The following NKAIN2 variants were observed in gnomAD, a reference collection of about 807,000 sequenced individuals.
NKAIN2 encodes the protein sodium/potassium-transporting ATPase subunit beta-1-interacting protein 2.
In NKAIN2, 14 loss-of-function variants were observed where a neutral mutation model predicts 32.6. The observed-to-expected ratio is 0.43, with a 90% CI of 0.28 to 0.67. NKAIN2 has a LOEUF of 0.67. Among genes scored for constraint, NKAIN2 ranks in the 30% least tolerant of loss-of-function variants. The pLI, the probability that NKAIN2 is intolerant of heterozygous loss-of-function variation, is 0.17. For synonymous variants in NKAIN2, 80 were observed against 87.2 expected (o/e 0.92, Z 0.46); for missense variants, 198 against 258.3 (o/e 0.77, Z 1.60).
chr6:124,231,254 A>C, intron 1 of NKAIN2, among the ~76,000 whole-genome samples: 1 of 152,180 alleles, frequency 6.6e-6, no homozygotes, highest in South Asian at 2.1e-4. Context: ...CAATGCCTGC[A>C]TCCCCATTGT....
chr6:124,405,035 A>G (rs1448801247), intron 3 of NKAIN2, among the ~76,000 whole-genome samples: 1 of 152,180 alleles, frequency 6.6e-6, no homozygotes, highest in Non-Finnish European at 1.5e-5. Flanking sequence ...GAGTGAATGA[A>G]TGCCGTGTAC....
intron 4 of NKAIN2, among the ~76,000 whole-genome samples, chr6:124,703,426 A>G (rs937295560): frequency 3.3e-5 from 5 of 152,100 alleles, no homozygotes; most frequent in Non-Finnish European, 5.9e-5. Context: ...ATGATTGTAT[A>G]TAGCACAAAA....
intron 4 of NKAIN2, among the ~76,000 whole-genome samples, chr6:124,713,282 A>G (rs1775591374): frequency 6.6e-6 from 1 of 152,192 alleles, no homozygotes; most frequent in East Asian, 1.9e-4. Flanking sequence ...TCGAATCCAT[A>G]AAATATTTTT....
intron 3 of NKAIN2, among the ~76,000 whole-genome samples, chr6:124,599,499 C>T (rs952026126): frequency 6.6e-6 from 1 of 152,102 alleles, no homozygotes; most frequent in Non-Finnish European, 1.5e-5. Flanking sequence ...CGTGCTGAAG[C>T]TCCAAATAGA....
intron 1 of NKAIN2, among the ~76,000 whole-genome samples, chr6:123,873,403 C>T (rs1044794043): frequency 1.3e-5 from 2 of 152,056 alleles, no homozygotes; most frequent in Non-Finnish European, 1.5e-5. Context: ...TTATTCAGGG[C>T]CAAATAATGA....
chr6:123,984,290 T>C (rs1272041766), intron 1 of NKAIN2, among the ~76,000 whole-genome samples: 2 of 152,196 alleles, frequency 1.3e-5, no homozygotes, highest in Non-Finnish European at 2.9e-5. Flanking sequence ...TTTTAGTTCC[T>C]GATTTTTTTT....
chr6:124,595,819 A>T (rs1583492379), intron 3 of NKAIN2, among the ~76,000 whole-genome samples: 1 of 152,178 alleles, frequency 6.6e-6, no homozygotes, highest in African/African-American at 2.4e-5. Flanking sequence ...AAGAATGAAG[A>T]TGTTACTGAG....
intron 1 of NKAIN2, among the ~76,000 whole-genome samples, chr6:123,982,135 AGTT>A (rs762169244): frequency 6.6e-5 from 10 of 151,854 alleles, no homozygotes; most frequent in South Asian, 6.3e-4. Context: ...ATATTTGTAG[AGTT>A]GTTGTTGTTG....
chr6:124,683,920 A>G (rs532586882), intron 4 of NKAIN2, among the ~76,000 whole-genome samples: 20 of 152,226 alleles, frequency 1.3e-4, no homozygotes, highest in Non-Finnish European at 2.4e-4. Context: ...AATAAGTCTC[A>G]CTGGATTTCT....
intron 1 of NKAIN2, among the ~76,000 whole-genome samples, chr6:123,827,968 T>C (rs1392922982): frequency 2.0e-5 from 3 of 152,110 alleles, no homozygotes; most frequent in African/African-American, 7.2e-5. Context: ...AGAATCAGCA[T>C]ACCTATTCAA....
chr6:124,061,021 G>T (rs982374381), intron 1 of NKAIN2, among the ~76,000 whole-genome samples: 2 of 152,118 alleles, frequency 1.3e-5, no homozygotes, highest in Admixed American at 6.5e-5. Flanking sequence ...CTTTCAGCAT[G>T]TATAACATGT....
chr6:124,415,918 T>C (rs1191874264), intron 3 of NKAIN2, among the ~76,000 whole-genome samples: 1 of 140,094 alleles, frequency 7.1e-6, no homozygotes, highest in Non-Finnish European at 1.5e-5. Context: ...TCACAGAATG[T>C]TAAAGTCTTA....
chr6:124,247,618 G>A (rs1201504269), intron 1 of NKAIN2, among the ~76,000 whole-genome samples: 2 of 152,076 alleles, frequency 1.3e-5, no homozygotes, highest in Non-Finnish European at 2.9e-5. Flanking sequence ...TTGCATAGAT[G>A]CAGCATGTAA....
chr6:124,565,206 G>C (rs757255331), intron 3 of NKAIN2, among the ~76,000 whole-genome samples: 1 of 152,128 alleles, frequency 6.6e-6, no homozygotes, highest in African/African-American at 2.4e-5. Context: ...TTGATTCTTA[G>C]TGCTCAGGCA....
chr6:123,861,626 A>G (rs1468254810), intron 1 of NKAIN2, among the ~76,000 whole-genome samples: 3 of 152,134 alleles, frequency 2.0e-5, no homozygotes, highest in African/African-American at 7.2e-5. Context: ...TAATTCTGTC[A>G]TTTTCGGGAG....
chr6:124,546,709 G>A (rs1308820264), intron 3 of NKAIN2, among the ~76,000 whole-genome samples: 1 of 152,082 alleles, frequency 6.6e-6, no homozygotes, highest in African/African-American at 2.4e-5. Flanking sequence ...TTAGGAGAAA[G>A]TGGAAGGACT....
At chr6:123,939,649 A>T (rs1338831935) in intron 1 of NKAIN2, among the ~76,000 whole-genome samples, 1 of 152,016 alleles carries the variant, frequency 6.6e-6, no homozygotes, top group African/African-American at 2.4e-5. Flanking sequence ...ACAAAAAAAA[A>T]GTTGTGATTG....
At chr6:124,399,071 C>T (rs941783375) in intron 3 of NKAIN2, among the ~76,000 whole-genome samples, 1 of 152,002 alleles carries the variant, frequency 6.6e-6, no homozygotes, top group Admixed American at 6.6e-5. Context: ...GGATTACAGG[C>T]ACGCACCCCC....
At chr6:124,507,893 A>C (rs1007483219) in intron 3 of NKAIN2, among the ~76,000 whole-genome samples, 1 of 152,166 alleles carries the variant, frequency 6.6e-6, no homozygotes, top group Non-Finnish European at 1.5e-5. Context: ...AATATAAGTG[A>C]TAATTTATGT....
Sources: gnomAD v4.1 joint callset for allele counts (sites outside exome capture counted in the v4.1 genomes callset) on GRCh38, gnomAD v4.1.1 for gene constraint, MANE v1.5 for transcripts, NCBI Gene and HGNC (gene_info 2026-07-23, HGNC 2026-07-21) for gene names.